The following TGFA variants were observed in gnomAD, a reference collection of about 807,000 sequenced individuals.
TGFA encodes protransforming growth factor alpha.
In TGFA, 12 loss-of-function variants were observed where a neutral mutation model predicts 21.7. That is an observed-to-expected ratio of 0.55 (90% CI 0.35 to 0.90). The LOEUF (loss-of-function observed/expected upper bound fraction) is 0.90. TGFA is among the 40% of genes least tolerant of loss of function. The probability of loss-of-function intolerance (pLI) is 0.01; values close to 1 mark genes in which losing one functional copy is unlikely to be tolerated. For synonymous variants in TGFA, 79 were observed against 88.1 expected (o/e 0.90, Z 0.58); for missense variants, 178 against 210.8 (o/e 0.84, Z 0.96).
At chr2:70,459,302 A>G (rs1196381325) in intron 3 of TGFA, among the ~76,000 whole-genome samples, 1 of 152,248 alleles carries the variant, frequency 6.6e-6, no homozygotes, top group African/African-American at 2.4e-5. Flanking sequence ...CACTGCAAGC[A>G]TTAGGCTAAA....
intron 2 of TGFA, among the ~76,000 whole-genome samples, chr2:70,488,881 C>T (rs1671345372): frequency 6.6e-6 from 1 of 152,172 alleles, no homozygotes; most frequent in African/African-American, 2.4e-5. Flanking sequence ...TGCATACAAC[C>T]ACCACTGCTG....
At chr2:70,504,441 T>TATATATATATATATATACATAC (rs1553499714) in intron 2 of TGFA, among the ~76,000 whole-genome samples, 1 of 70,998 alleles carries the variant, frequency 1.4e-5, no homozygotes, top group South Asian at 3.6e-4. Flanking sequence ...CAAATATATA[T>TATATATATATATATATACATAC]ATATATATAT....
chr2:70,461,402 A>C (rs1670403320), intron 3 of TGFA, among the ~76,000 whole-genome samples: 1 of 152,220 alleles, frequency 6.6e-6, no homozygotes, highest in Non-Finnish European at 1.5e-5. Context: ...TTGGTCACAC[A>C]GGCAGCCAGT....
intron 2 of TGFA, among the ~76,000 whole-genome samples, chr2:70,475,148 AT>A (rs1193005357): frequency 2.6e-5 from 4 of 152,156 alleles, no homozygotes; most frequent in Non-Finnish European, 5.9e-5. Context: ...ACACAGAAGT[AT>A]TTTGCCAGCT....
intron 3 of TGFA, among the ~76,000 whole-genome samples, chr2:70,463,232 G>T (rs782167694): frequency 6.6e-6 from 1 of 152,156 alleles, no homozygotes; most frequent in Non-Finnish European, 1.5e-5. Context: ...ATCCATGGTT[G>T]CGGTATGCAG....
chr2:70,462,585 G>C (rs544399745), intron 3 of TGFA, among the ~76,000 whole-genome samples: 56 of 152,326 alleles, frequency 3.7e-4, no homozygotes, highest in African/African-American at 1.3e-3. Flanking sequence ...GCTGTGTTTG[G>C]AAGTTCAGGC....
chr2:70,535,231 T>G (rs1553504217), intron 1 of TGFA, among the ~76,000 whole-genome samples: 1 of 152,122 alleles, frequency 6.6e-6, no homozygotes, highest in Non-Finnish European at 1.5e-5. Context: ...GTGTCCACTG[T>G]GTACCTCATG....
At chr2:70,514,665 G>GC (rs1251270019) in intron 2 of TGFA, among the ~76,000 whole-genome samples, 194 bp downstream of exon 2, 12 of 152,202 alleles carry the variant, frequency 7.9e-5, no homozygotes, top group Admixed American at 6.5e-4. Context: ...GCCAGGAACA[G>GC]CCCCCCCTTG....
chr2:70,497,058 A>G (rs1227107769), intron 2 of TGFA, among the ~76,000 whole-genome samples: 1 of 152,210 alleles, frequency 6.6e-6, no homozygotes, highest in African/African-American at 2.4e-5. Context: ...TTCCAGGCAG[A>G]AGGAGGAGCA....
At chr2:70,525,982 A>G (rs1672621685) in intron 1 of TGFA, among the ~76,000 whole-genome samples, 1 of 152,336 alleles carries the variant, frequency 6.6e-6, no homozygotes, top group Middle Eastern at 3.4e-3. Flanking sequence ...CAACAGAGAA[A>G]GTCTCTTCAA....
At chr2:70,453,186 T>C (rs1670113792) in intron 5 of TGFA, 32 bp downstream of exon 5, 1 of 1,588,374 alleles carries the variant, frequency 6.3e-7, no homozygotes, top group Non-Finnish European at 8.6e-7. Flanking sequence ...CTCCACCCAA[T>C]AGTGTCTCCC....
intron 1 of TGFA, among the ~76,000 whole-genome samples, chr2:70,531,930 C>A (rs1434363671): frequency 6.6e-6 from 1 of 152,056 alleles, no homozygotes; most frequent in East Asian, 1.9e-4. Flanking sequence ...TGAAACACAC[C>A]CACACTCTCA....
chr2:70,552,522 T>C (rs949954444), intron 1 of TGFA, among the ~76,000 whole-genome samples: 10 of 152,252 alleles, frequency 6.6e-5, no homozygotes, highest in Non-Finnish European at 1.5e-4. Flanking sequence ...CATACCCATG[T>C]TACCTGCTGG....
At chr2:70,473,873 T>C (rs1670847987) in intron 2 of TGFA, among the ~76,000 whole-genome samples, 1 of 152,098 alleles carries the variant, frequency 6.6e-6, no homozygotes, top group African/African-American at 2.4e-5. Flanking sequence ...AAGGTAACTA[T>C]AGTGCTACAG....
chr2:70,475,074 A>G (rs917896470), intron 2 of TGFA, among the ~76,000 whole-genome samples: 4 of 152,152 alleles, frequency 2.6e-5, no homozygotes, highest in African/African-American at 9.7e-5. Context: ...AGGCAAAAGC[A>G]GAGTTTGCAT....
intron 1 of TGFA, among the ~76,000 whole-genome samples, chr2:70,523,893 C>T (rs1553502626): frequency 6.6e-6 from 1 of 152,180 alleles, no homozygotes; most frequent in South Asian, 2.1e-4. Flanking sequence ...TTACATAACC[C>T]TTTGCAGCTA....
intron 1 of TGFA, 27 bp downstream of exon 1, chr2:70,553,701 A>AG: frequency 2.3e-6 from 3 of 1,328,578 alleles, no homozygotes; most frequent in South Asian, 2.2e-5. Context: ...CGCGCGGCGC[A>AG]GGGGGCGCCG....
At chr2:70,535,113 A>G (rs782728133) in intron 1 of TGFA, among the ~76,000 whole-genome samples, 20 of 152,180 alleles carry the variant, frequency 1.3e-4, no homozygotes, top group Non-Finnish European at 2.6e-4. Flanking sequence ...GAGTTTGTAC[A>G]ATATGTAAGG....
chr2:70,527,377 A>C lies in TGFA; in HGVS notation c.41-12465T>G, dbSNP rs566931767. On this transcript the variant is annotated intron_variant, in intron 1 of 5. Coordinates refer to ENST00000295400, the MANE Select transcript of TGFA (RefSeq NM_003236.4). ...TATTGTATGATTCTAACTATATGAC[A>C]GTCTGAAAAAGGCAAAACTGTAGAG... Among the ~76,000 whole-genome samples the C allele has an allele frequency of 6.6e-5, 10 of 152,356 alleles. No individual in the cohort carries two copies. The South Asian group carries it at 1.9e-3, about 28-fold the overall frequency.
Sources: gnomAD v4.1 joint callset for allele counts (sites outside exome capture counted in the v4.1 genomes callset) on GRCh38, gnomAD v4.1.1 for gene constraint, MANE v1.5 for transcripts, NCBI Gene and HGNC (gene_info 2026-07-23, HGNC 2026-07-21) for gene names.